Variants in MTOR observed in about 807,000 individuals in gnomAD.
MTOR encodes the protein mechanistic target of rapamycin kinase.
In MTOR, 70 loss-of-function variants were observed where a neutral mutation model predicts 319.8. The observed-to-expected ratio is 0.22, with a 90% confidence interval of 0.18 to 0.27. MTOR has a LOEUF of 0.27. Among genes scored for constraint, MTOR ranks in the 10% least tolerant of loss-of-function variants. The pLI, the probability that MTOR is intolerant of heterozygous loss-of-function variation, is 1.00. For missense variants in MTOR, 1,890 were observed against 3,274.4 expected (o/e 0.58, Z 10.32); for synonymous variants, 1,183 against 1,211.4 (o/e 0.98, Z 0.49).
chr1:11,228,703 T>G lies in MTOR; in HGVS notation c.2995A>C (p.Asn999His), dbSNP rs1172246994. The change falls in exon 19 of 58, where the codon AAC (asparagine) becomes CAC (histidine). Residue 999 changes from asparagine (N) to histidine (H), a missense_variant. This residue lies in a region of MTOR where 377 missense variants were observed against 653.9 expected (regional missense o/e 0.58). Transcript: ENST00000361445. ...GCCCCATCACAGACTCGAATGACGTTAAGGAACGTGGGCATGACCTGGGGC... is the reference window on the plus strand; with the variant it reads ...GCCCCATCACAGACTCGAATGACGTGAAGGAACGTGGGCATGACCTGGGGC... ...FLPQVMPTFL[N>H]VIRVCDGAIR... 1.9e-6 allele frequency: 3 copies of G among 1,613,960 alleles called. No individual in the cohort carries two copies. Among genetic ancestry groups the G allele is most frequent in the Non-Finnish European group, 2.5e-6 (3 of 1,180,020 alleles).
chr1:11,139,308 C>T lies in MTOR; in HGVS notation c.5126G>A (p.Arg1709His), dbSNP rs587777895. The change falls in exon 36 of 58, where the codon CGC (arginine) becomes CAC (histidine). Residue 1709 changes from arginine to histidine, a missense_variant. This residue lies in a region of MTOR where 276 missense variants were observed against 459.4 expected (regional missense o/e 0.60). Coordinates refer to ENST00000361445, the MANE Select transcript of MTOR (RefSeq NM_004958.4). Reference protein sequence around the residue: ...AYMKNMWKSARKIDAFQHMQH... With the variant: ...AYMKNMWKSAHKIDAFQHMQH... ...TGGATGCATTGGGATACAGACCTTG[C>T]GGGCACTCTTCCACATGTTTTTCAT... 9.3e-6 allele frequency: 15 copies of T among 1,604,640 alleles called. No individual in the cohort carries two copies. The Admixed American group carries it at 1.1e-4, about 11-fold the overall frequency.
rs369221365 is a variant in MTOR at position 11,240,523 on chromosome 1, G to A, written c.1566C>T (p.Tyr522=). 1.8e-4 allele frequency: 295 copies of A among 1,614,158 alleles called. No individual in the cohort carries two copies. The highest frequency in any genetic ancestry group is 6.4e-4 in the South Asian group (58 of 91,080). Residue 522 remains tyrosine, a synonymous_variant, in exon 11 of 58, where the codon TAC becomes TAT. Coordinates refer to ENST00000361445, the MANE Select transcript of MTOR (RefSeq NM_004958.4). ...GLSPALTAVL[Y]DLSRQIPQLK... is the part of the protein sequence containing the mutation. ...GCTGTGGAATCTGACGGCTCAGGTC[G>A]TAGAGCACTGCAGTGAGGGCAGGGC...
chr1:11,237,730 A>G (rs1647403531), intron 13 of MTOR, 113 bp downstream of exon 13: 10 of 1,125,418 alleles, frequency 8.9e-6, no homozygotes, highest in Non-Finnish European at 1.2e-5. Flanking sequence ...GGCTTTTACC[A>G]GGTACCTCAA....
chr1:11,255,090 A>G (rs1650188810), intron 5 of MTOR, among the ~76,000 whole-genome samples: 1 of 152,132 alleles, frequency 6.6e-6, no homozygotes, highest in Non-Finnish European at 1.5e-5. Flanking sequence ...TAATAAGAAG[A>G]AGGTACAAAG....
At chr1:11,135,440 T>C (rs1643356594) in intron 36 of MTOR, among the ~76,000 whole-genome samples, 1 of 152,084 alleles carries the variant, frequency 6.6e-6, no homozygotes, top group Non-Finnish European at 1.5e-5. Flanking sequence ...AAAGAGGCAA[T>C]GTGTTCTGTG....
At chr1:11,232,889 A>G (rs1016356189) in intron 15 of MTOR, 2 of 562,396 alleles carry the variant, frequency 3.6e-6, no homozygotes, top group Non-Finnish European at 3.1e-6. Context: ...TAAATAAAAT[A>G]AAAAATTTTT....
chr1:11,189,660 G>A (rs934551451), intron 28 of MTOR: 4 of 1,614,180 alleles, frequency 2.5e-6, no homozygotes, highest in Non-Finnish European at 3.4e-6. Context: ...CGTGGCTGCA[G>A]AAGCTCTCTA....
At chr1:11,136,817 G>A (rs2100463250) in intron 36 of MTOR, among the ~76,000 whole-genome samples, 1 of 147,026 alleles carries the variant, frequency 6.8e-6, no homozygotes, top group Non-Finnish European at 1.5e-5. Flanking sequence ...TTTTCTAGGA[G>A]AACTACATTG....
At chr1:11,176,406 T>A (rs1469206051) in intron 28 of MTOR, among the ~76,000 whole-genome samples, 1 of 152,198 alleles carries the variant, frequency 6.6e-6, no homozygotes, top group Non-Finnish European at 1.5e-5. Flanking sequence ...GCAAGGAGCA[T>A]CTGCAGGCAC....
intron 29 of MTOR, among the ~76,000 whole-genome samples, chr1:11,160,235 T>A (rs533044478): frequency 6.6e-6 from 1 of 152,046 alleles, no homozygotes; most frequent in Non-Finnish European, 1.5e-5. Context: ...CGAGTAGCTG[T>A]GATTACAGGT....
Position 11,107,685 on chromosome 1 carries a change from G to A in MTOR, c.7635-185C>T, listed in dbSNP as rs567507600. Among the ~76,000 whole-genome samples the A allele has an allele frequency of 6.6e-5, 10 of 152,218 alleles. No individual in the cohort carries two copies. In the South Asian group the frequency reaches 1.2e-3, roughly 19 times the overall value. ...CAAGGCTAATGCCCACCGAGGTCCC[G>A]CAAGGACACTTCCCCAGCGCCCGCT... On this transcript the variant is annotated intron_variant, in intron 57 of 57. Transcript: ENST00000361445.
chr1:11,147,720 A>G (rs1643983929), intron 31 of MTOR, among the ~76,000 whole-genome samples: 2 of 152,332 alleles, frequency 1.3e-5, no homozygotes, highest in South Asian at 4.1e-4. Flanking sequence ...GAAGAAGAGA[A>G]TGGAGGTAGA....
At chr1:11,184,516 T>C (rs1412588465) in intron 28 of MTOR, among the ~76,000 whole-genome samples, 1 of 152,162 alleles carries the variant, frequency 6.6e-6, no homozygotes, top group Non-Finnish European at 1.5e-5. Flanking sequence ...GGAAGATCTC[T>C]TGAGGCTAGG....
chr1:11,115,479 C>G lies in MTOR; in HGVS notation c.7017-11G>C. 1.9e-6 allele frequency: 3 copies of G among 1,612,368 alleles called. No homozygotes were observed. Among genetic ancestry groups the G allele is most frequent in the Non-Finnish European group, 2.5e-6 (3 of 1,178,460 alleles). On this transcript the variant is annotated splice_polypyrimidine_tract_variant and intron_variant, in intron 50 of 57. Coordinates refer to ENST00000361445, the MANE Select transcript of MTOR (RefSeq NM_004958.4). This position sits in a 1 kb window ranked among gnomAD's most constrained non-coding sequence, Gnocchi z 4.5. ...AGGTTGGATGGGTGTCTTTGAGAAA[C>G]AGAAGACAGATCAGGGAGGGATCAA...
At chr1:11,257,234 A>G (rs1181126107) in intron 3 of MTOR, 69 bp from the exon 4 acceptor site, 1 of 1,379,260 alleles carries the variant, frequency 7.3e-7, no homozygotes, top group African/African-American at 1.4e-5. Flanking sequence ...GCAGACTTCA[A>G]CTAAAAGCTG....
chr1:11,195,357 T>A (rs1255932097), intron 28 of MTOR: 1 of 225,168 alleles, frequency 4.4e-6, no homozygotes, highest in Non-Finnish European at 8.8e-6. Context: ...TTGAGATCGT[T>A]TTATCTATTT....
intron 6 of MTOR, among the ~76,000 whole-genome samples, chr1:11,250,457 C>T (rs1462950747): frequency 1.3e-5 from 2 of 152,212 alleles, no homozygotes; most frequent in Non-Finnish European, 2.9e-5. Context: ...ACTGATACTT[C>T]CACCTCCTTG....
At chr1:11,144,312 T>C (rs1189196142) in intron 34 of MTOR, 3 of 208,612 alleles carry the variant, frequency 1.4e-5, no homozygotes, top group African/African-American at 6.8e-5. Context: ...TAAAAAGCTC[T>C]GCAGGTGATT....
At chr1:11,189,381 C>T (rs1159094265) in intron 28 of MTOR, 24 of 647,660 alleles carry the variant, frequency 3.7e-5, no homozygotes, top group Non-Finnish European at 5.8e-5. Flanking sequence ...CTATAGGCTA[C>T]CCATTCAGCT....
Sources: allele counts gnomAD v4.1 joint callset (sites outside exome capture counted in the v4.1 genomes callset), GRCh38; gene constraint gnomAD v4.1.1; regional missense constraint gnomAD v4.1.1; non-coding constraint Gnocchi (gnomAD v3.1); transcripts MANE v1.5; gene names NCBI Gene and HGNC (gene_info 2026-07-23, HGNC 2026-07-21).